GABRB3: variants seen among roughly 807,000 people sequenced by gnomAD.
The protein encoded by GABRB3 is gamma-aminobutyric acid receptor subunit beta-3.
In GABRB3, 14 loss-of-function variants were observed where a neutral mutation model predicts 52.1. The observed-to-expected ratio is 0.27, with a 90% CI of 0.18 to 0.42. The LOEUF (loss-of-function observed/expected upper bound fraction) is 0.42. Ranked by LOEUF, GABRB3 falls within the 10% of genes least tolerant of loss-of-function variation. GABRB3 has a pLI of 1.00. For synonymous variants in GABRB3, 260 were observed against 232.3 expected, an observed-to-expected ratio of 1.12 and a Z score of -1.08; for missense variants, 307 against 609.1, an observed-to-expected ratio of 0.50 and a Z score of 5.22.
intron 8 of GABRB3, among the ~76,000 whole-genome samples, chr15:26,554,209 A>ACTATATATATATATAT (rs1889666539): frequency 1.0e-5 from 1 of 99,796 alleles, no homozygotes. Context: ...ATATATATAT[A>ACTATATATATATATAT]GTAGAAACAA....
chr15:26,740,282 A>G (rs1890167565), intron 3 of GABRB3, among the ~76,000 whole-genome samples: 1 of 152,164 alleles, frequency 6.6e-6, no homozygotes, highest in Non-Finnish European at 1.5e-5. Flanking sequence ...TAATGTGAAA[A>G]GTGCAGCTGA....
chr15:26,617,416 CAT>C (rs1892298281), intron 4 of GABRB3, among the ~76,000 whole-genome samples: 1 of 151,626 alleles, frequency 6.6e-6, no homozygotes, highest in Admixed American at 6.5e-5. Context: ...AAAAAAACCA[CAT>C]GATTATCTCA....
chr15:26,741,746 C>T (rs1342756275), intron 3 of GABRB3, among the ~76,000 whole-genome samples: 1 of 152,048 alleles, frequency 6.6e-6, no homozygotes, highest in Non-Finnish European at 1.5e-5. Context: ...GTAGGTGAGC[C>T]TACAGGCATG....
At chr15:26,747,453 T>C (rs1248040340) in intron 3 of GABRB3, among the ~76,000 whole-genome samples, 1 of 152,252 alleles carries the variant, frequency 6.6e-6, no homozygotes, top group Non-Finnish European at 1.5e-5. Flanking sequence ...ATTAAGTTTA[T>C]ACCTAAGTAC....
In GABRB3 at chr15:26,746,367, C is replaced by A. The variant is rs560759157; in HGVS notation, c.240+26035G>T. Among the ~76,000 whole-genome samples, 12 of 152,164 alleles carry A rather than the reference C, an allele frequency of 7.9e-5. No individual in the cohort carries two copies. In the South Asian group the frequency reaches 2.5e-3, roughly 32 times the overall value. On this transcript the variant is annotated intron_variant, in intron 3 of 8. Coordinates refer to ENST00000311550, the MANE Select transcript of GABRB3 (RefSeq NM_000814.6). ...TATACTCCAAGTTCTTTGTCAAATGCATGGTTTGGAGATATTTTTTCTAAG... is the reference window on the plus strand; with the variant it reads ...TATACTCCAAGTTCTTTGTCAAATGAATGGTTTGGAGATATTTTTTCTAAG...
At position 26,621,965 on chromosome 15, in the gene GABRB3, G is replaced by A. The variant is rs78267876; in HGVS notation, c.241-431C>T. ...TATCTACAAACTCTCTCTGCAATTT[G>A]AGCCACTTTCCTCTGGTTCTGCCCT... On this transcript the variant is annotated intron_variant, in intron 3 of 8. Transcript: ENST00000311550. This position sits in a 1 kb window ranked among gnomAD's most constrained non-coding sequence, Gnocchi z 4.1. 1.8e-4 allele frequency among the ~76,000 whole-genome samples: 27 copies of A among 152,112 alleles called. No homozygotes were observed. Among genetic ancestry groups the A allele is most frequent in the African/African-American group, 6.0e-4 (25 of 41,492 alleles).
intron 3 of GABRB3, among the ~76,000 whole-genome samples, chr15:26,761,394 C>CA (rs144864753): frequency 0.35 from 50,706 of 145,846 alleles, 9,026 homozygotes; most frequent in African/African-American, 0.46. Flanking sequence ...GACTCCATCT[C>CA]AAAAAAAAAA....
intron 3 of GABRB3, among the ~76,000 whole-genome samples, chr15:26,725,939 A>G (rs947771166): frequency 9.2e-5 from 14 of 152,248 alleles, no homozygotes; most frequent in African/African-American, 3.1e-4. Context: ...ACCAAAAAAC[A>G]CAGTGAGTAA....
At chr15:26,740,079 ACT>A (rs1428652731) in intron 3 of GABRB3, among the ~76,000 whole-genome samples, 2 of 151,954 alleles carry the variant, frequency 1.3e-5, no homozygotes, top group African/African-American at 4.8e-5. Flanking sequence ...GGGTATCATC[ACT>A]CTCTTGCTGA....
chr15:26,635,010 A>ATATATATATATATATATATATATATAT (rs10676156), intron 3 of GABRB3, among the ~76,000 whole-genome samples: 4 of 74,880 alleles, frequency 5.3e-5, no homozygotes, highest in Admixed American at 1.7e-4. Context: ...ATATATATAT[A>ATATATATATATATATATATATATATAT]ATATATATAT....
rs1891028182 is a variant in GABRB3, at chr15:26,767,441, T to C, written c.240+4961A>G. ...GATAGTGTGGGTGTCCTCACTGAGA[T>C]TTTCTCTGTAGAGCTCAGCCTCTTA... is the stretch of plus-strand genomic sequence containing the variant. On this transcript the variant is annotated intron_variant, in intron 3 of 8. Transcript: ENST00000311550. Among the ~76,000 whole-genome samples the C allele has an allele frequency of 2.0e-5, 3 of 152,162 alleles. 1 individual carries two copies. The South Asian group carries it at 6.2e-4, about 32-fold the overall frequency.
intron 8 of GABRB3, among the ~76,000 whole-genome samples, chr15:26,552,847 G>T (rs1446942888): frequency 6.6e-6 from 1 of 152,152 alleles, no homozygotes; most frequent in Non-Finnish European, 1.5e-5. Flanking sequence ...GGGCCTGGGA[G>T]GGGGGTTCAA....
intron 3 of GABRB3, among the ~76,000 whole-genome samples, chr15:26,685,984 T>C (rs1313219865): frequency 6.6e-6 from 1 of 152,122 alleles, no homozygotes; most frequent in Non-Finnish European, 1.5e-5. Flanking sequence ...TTTTTAAATT[T>C]AGTTTTTTGT....
intron 3 of GABRB3, among the ~76,000 whole-genome samples, chr15:26,761,274 A>C (rs1367267696): frequency 1.3e-5 from 2 of 152,086 alleles, no homozygotes; most frequent in Non-Finnish European, 2.9e-5. Flanking sequence ...ATGCGCCTGT[A>C]GACCCAGCTA....
At chr15:26,696,959 C>T (rs1294593861) in intron 3 of GABRB3, among the ~76,000 whole-genome samples, 4 of 152,168 alleles carry the variant, frequency 2.6e-5, no homozygotes, top group East Asian at 3.9e-4. Context: ...GGAATGTCAA[C>T]AAATGACAAA....
chr15:26,548,556 A>G (rs547641889), intron 8 of GABRB3, among the ~76,000 whole-genome samples: 1 of 152,154 alleles, frequency 6.6e-6, no homozygotes, highest in Non-Finnish European at 1.5e-5. Flanking sequence ...TTCTGATGAT[A>G]TAACACACCC....
At chr15:26,615,648 G>A (rs771728863) in intron 4 of GABRB3, 22 of 675,144 alleles carry the variant, frequency 3.3e-5, no homozygotes, top group South Asian at 4.8e-5. Flanking sequence ...CCTACGTCAC[G>A]GACAGCTCAT....
intron 3 of GABRB3, among the ~76,000 whole-genome samples, chr15:26,711,441 A>G (rs1017918562): frequency 1.4e-5 from 2 of 141,848 alleles, no homozygotes; most frequent in African/African-American, 2.5e-5. Context: ...CGGATGTGGC[A>G]TATTCTAAAT....
At chr15:26,553,755 A>G (rs1194436926) in intron 8 of GABRB3, among the ~76,000 whole-genome samples, 1 of 152,024 alleles carries the variant, frequency 6.6e-6, no homozygotes, top group African/African-American at 2.4e-5. Context: ...CCCTGTCCTT[A>G]GTCAGGAGCA....
Sources: allele counts gnomAD v4.1 joint callset (sites outside exome capture counted in the v4.1 genomes callset), GRCh38; gene constraint gnomAD v4.1.1; non-coding constraint Gnocchi (gnomAD v3.1); transcripts MANE v1.5; gene names NCBI Gene and HGNC (gene_info 2026-07-23, HGNC 2026-07-21).